Variants in RAB3C observed in about 807,000 individuals in gnomAD.
RAB3C encodes ras-related protein Rab-3C.
A neutral mutation model predicts 26.4 loss-of-function variants in RAB3C; 17 were observed. The ratio of observed to expected loss-of-function variants is 0.64; its 90% CI spans 0.44 to 0.97. The LOEUF is 0.97. Among genes scored for constraint, RAB3C ranks in the 50% least tolerant of loss-of-function variants. The pLI, the probability that RAB3C is intolerant of heterozygous loss-of-function variation, is 0.00. For synonymous variants in RAB3C, 91 were observed against 95.9 expected, an observed-to-expected ratio of 0.95 and a Z score of 0.30; for missense variants, 242 against 281.9, an observed-to-expected ratio of 0.86 and a Z score of 1.01.
intron 2 of RAB3C, among the ~76,000 whole-genome samples, chr5:58,648,950 G>T (rs1185883561): frequency 6.6e-6 from 1 of 152,086 alleles, no homozygotes; most frequent in African/African-American, 2.4e-5. Context: ...TTTCCCTGTT[G>T]TTGGGAAAAT....
intron 3 of RAB3C, among the ~76,000 whole-genome samples, chr5:58,773,032 C>T (rs1486171066): frequency 6.6e-6 from 1 of 152,118 alleles, no homozygotes; most frequent in Non-Finnish European, 1.5e-5. Flanking sequence ...CATAGATTCT[C>T]CCAGGAGAGC....
At chr5:58,606,235 A>T (rs1181452778) in intron 1 of RAB3C, among the ~76,000 whole-genome samples, 1 of 152,228 alleles carries the variant, frequency 6.6e-6, no homozygotes, top group Non-Finnish European at 1.5e-5. Context: ...CAGGCAGACC[A>T]GGAAATTCTC....
At chr5:58,747,135 C>T (rs750945494) in intron 3 of RAB3C, among the ~76,000 whole-genome samples, 1 of 152,196 alleles carries the variant, frequency 6.6e-6, no homozygotes, top group Middle Eastern at 3.4e-3. Flanking sequence ...TTATTTCTGA[C>T]CAAATCTCTT....
intron 3 of RAB3C, among the ~76,000 whole-genome samples, chr5:58,808,592 T>A (rs1742999291): frequency 6.6e-6 from 1 of 152,196 alleles, no homozygotes; most frequent in African/African-American, 2.4e-5. Flanking sequence ...CCAATTTCTT[T>A]GACTTATAAC....
intron 3 of RAB3C, among the ~76,000 whole-genome samples, chr5:58,731,666 TCACAGGAACG>T (rs1741023665): frequency 6.6e-6 from 1 of 152,192 alleles, no homozygotes; most frequent in Admixed American, 6.5e-5. Flanking sequence ...ACCATTGATC[TCACAGGAACG>T]TCTTCAGAGG....
intron 1 of RAB3C, among the ~76,000 whole-genome samples, chr5:58,598,928 T>A (rs774089326): frequency 1.3e-5 from 2 of 152,100 alleles, no homozygotes; most frequent in Non-Finnish European, 2.9e-5. Flanking sequence ...AAGAAGAATA[T>A]CAAAGATAAT....
chr5:58,751,634 C>T (rs890297592), intron 3 of RAB3C, among the ~76,000 whole-genome samples: 48 of 152,156 alleles, frequency 3.2e-4, no homozygotes, highest in African/African-American at 1.1e-3. Context: ...TGGCTAAAGT[C>T]CATTTTTTGA....
intron 2 of RAB3C, among the ~76,000 whole-genome samples, chr5:58,644,109 TGCACCCAGCCGA>T (rs1367538245): frequency 1.3e-5 from 2 of 152,200 alleles, no homozygotes; most frequent in Non-Finnish European, 2.9e-5. Flanking sequence ...CGTGAACCAC[TGCACCCAGCCGA>T]GCAATACTGG....
chr5:58,586,448 GA>G (rs1425696328), intron 1 of RAB3C, among the ~76,000 whole-genome samples: 1 of 152,018 alleles, frequency 6.6e-6, no homozygotes, highest in East Asian at 1.9e-4. Context: ...TCAGAAGAAA[GA>G]AAAATTGGCC....
intron 3 of RAB3C, among the ~76,000 whole-genome samples, chr5:58,769,213 A>G (rs1741975378): frequency 6.6e-6 from 1 of 152,086 alleles, no homozygotes; most frequent in South Asian, 2.1e-4. Flanking sequence ...TAGAGATAGC[A>G]GTGTGCAGGG....
chr5:58,767,865 T>C (rs1166282432), intron 3 of RAB3C, among the ~76,000 whole-genome samples: 1 of 152,102 alleles, frequency 6.6e-6, no homozygotes, highest in Admixed American at 6.5e-5. Flanking sequence ...AAGAAAAATA[T>C]GGGTGATAAG....
chr5:58,812,013 C>A (rs1487765048), intron 3 of RAB3C, among the ~76,000 whole-genome samples: 1 of 152,044 alleles, frequency 6.6e-6, no homozygotes, highest in Non-Finnish European at 1.5e-5. Flanking sequence ...TTTTTTTAAT[C>A]CTTGAAGGCT....
chr5:58,690,244 T>C (rs1748540233), intron 2 of RAB3C, among the ~76,000 whole-genome samples: 1 of 152,182 alleles, frequency 6.6e-6, no homozygotes, highest in Non-Finnish European at 1.5e-5. Flanking sequence ...TAAAATATTA[T>C]TTTTAAAACT....
chr5:58,824,992 G>A, intron 3 of RAB3C, 46 bp from the exon 4 acceptor site: 1 of 1,387,610 alleles, frequency 7.2e-7, no homozygotes, highest in Non-Finnish European at 1.0e-6. Flanking sequence ...ATTTTATGCT[G>A]TTCTGCTTTC....
At chr5:58,758,887 C>T (rs1741732561) in intron 3 of RAB3C, among the ~76,000 whole-genome samples, 1 of 151,834 alleles carries the variant, frequency 6.6e-6, no homozygotes, top group Admixed American at 6.6e-5. Flanking sequence ...TTCCATGGTC[C>T]TTGACCAGTT....
At chr5:58,817,700 CT>C (rs1175371114) in intron 3 of RAB3C, among the ~76,000 whole-genome samples, 15 of 152,104 alleles carry the variant, frequency 9.9e-5, no homozygotes, top group Non-Finnish European at 2.2e-4. Context: ...CTGGAGATTT[CT>C]TTTTAATACC....
chr5:58,854,469 G>C lies in RAB3C; in HGVS notation c.*3118G>C, dbSNP rs193052928. ...ATCAGCATTTCAGTTTTTGGAGATG[G>C]GGATGGAAGTAGAAGGTGCACAAAG... On this transcript the variant is annotated 3_prime_UTR_variant, in exon 5 of 5. Coordinates refer to ENST00000282878, the MANE Select transcript of RAB3C (RefSeq NM_138453.4). The C allele has an allele frequency of 2.6e-4, 39 of 152,254 alleles. No individual in the cohort carries two copies. Among genetic ancestry groups the C allele is most frequent in the Admixed American group, 1.4e-3 (22 of 15,286 alleles). The allele number at this position is 152,254 out of a possible 1,614,324, so 9.4% of individuals were successfully genotyped here.
chr5:58,624,889 CA>C (rs760841290), intron 2 of RAB3C, among the ~76,000 whole-genome samples: 14 of 151,598 alleles, frequency 9.2e-5, no homozygotes, highest in South Asian at 2.1e-4. Flanking sequence ...AAAAAACAAA[CA>C]AAAAAAACCC....
intron 3 of RAB3C, among the ~76,000 whole-genome samples, chr5:58,751,461 A>G (rs1741521898): frequency 2.6e-5 from 4 of 152,180 alleles, no homozygotes; most frequent in African/African-American, 9.6e-5. Flanking sequence ...GCTGAGAGGA[A>G]GTCAGAAAGC....
Sources: allele counts gnomAD v4.1 joint callset (sites outside exome capture counted in the v4.1 genomes callset), GRCh38; gene constraint gnomAD v4.1.1; transcripts MANE v1.5; gene names NCBI Gene and HGNC (gene_info 2026-07-23, HGNC 2026-07-21).